Variants in NCKAP5 observed in about 807,000 individuals in gnomAD.
The protein encoded by NCKAP5 is nck-associated protein 5.
In NCKAP5, 92 loss-of-function variants were observed where a neutral mutation model predicts 167.0. The ratio of observed to expected loss-of-function variants is 0.55; its 90% CI spans 0.47 to 0.66. The LOEUF (loss-of-function observed/expected upper bound fraction) is 0.66. Among genes scored for constraint, NCKAP5 ranks in the 30% least tolerant of loss-of-function variants. The pLI, the probability that NCKAP5 is intolerant of heterozygous loss-of-function variation, is 0.00. For synonymous variants in NCKAP5, 891 were observed against 877.4 expected, an observed-to-expected ratio of 1.02 and a Z score of -0.27; for missense variants, 2,378 against 2,315.0, an observed-to-expected ratio of 1.03 and a Z score of -0.56.
chr2:133,068,268 C>T (rs1023667937), intron 6 of NCKAP5, among the ~76,000 whole-genome samples: 16 of 152,236 alleles, frequency 1.1e-4, no homozygotes, highest in African/African-American at 3.6e-4. Flanking sequence ...GATCCCAAGG[C>T]TCTAATACCA....
chr2:133,057,344 G>A (rs544691985), intron 6 of NCKAP5, among the ~76,000 whole-genome samples: 1 of 152,294 alleles, frequency 6.6e-6, no homozygotes, highest in African/African-American at 2.4e-5. Flanking sequence ...TCTTAGTGAG[G>A]AAGGCCTGTT....
chr2:132,825,978 G>C (rs1687096150), intron 11 of NCKAP5, among the ~76,000 whole-genome samples: 1 of 152,236 alleles, frequency 6.6e-6, no homozygotes, highest in Non-Finnish European at 1.5e-5. Context: ...AAAGGGCAAA[G>C]GCTAGTTTGG....
chr2:132,758,019 C>T (rs1487299947), intron 16 of NCKAP5, among the ~76,000 whole-genome samples: 1 of 152,216 alleles, frequency 6.6e-6, no homozygotes, highest in Non-Finnish European at 1.5e-5. Flanking sequence ...TTCCCCCTTT[C>T]CTCCACCAAA....
chr2:132,902,572 T>C (rs950992537), intron 8 of NCKAP5, among the ~76,000 whole-genome samples: 1 of 152,260 alleles, frequency 6.6e-6, no homozygotes, highest in Non-Finnish European at 1.5e-5. Context: ...ATTTCAAATG[T>C]ACTTAGCAAA....
chr2:132,886,044 T>C (rs1692191775), intron 8 of NCKAP5, among the ~76,000 whole-genome samples: 1 of 152,210 alleles, frequency 6.6e-6, no homozygotes, highest in African/African-American at 2.4e-5. Context: ...GGGCTGTACC[T>C]TTGGTTTTGC....
intron 16 of NCKAP5, among the ~76,000 whole-genome samples, chr2:132,772,326 T>C (rs1682146133): frequency 6.6e-6 from 1 of 152,184 alleles, no homozygotes; most frequent in South Asian, 2.1e-4. Context: ...ATTGAGGAAG[T>C]AAATTTTTAA....
rs1221704682 is a variant in NCKAP5, at chr2:133,404,951, C to G, written c.70-101841G>C. 7.2e-5 allele frequency among the ~76,000 whole-genome samples: 11 copies of G among 152,324 alleles called. No homozygotes were observed. The East Asian group carries it at 2.1e-3, about 29-fold the overall frequency. On this transcript the variant is annotated intron_variant, in intron 3 of 19. Transcript: ENST00000409261. ...TGTGATGAGATTAGTGTTTCACTCCCTTGCCTCTCTTCCAATCTCAGGCTT... is the reference window on the plus strand; with the variant it reads ...TGTGATGAGATTAGTGTTTCACTCCGTTGCCTCTCTTCCAATCTCAGGCTT...
intron 3 of NCKAP5, among the ~76,000 whole-genome samples, chr2:133,468,172 A>G (rs1459701945): frequency 2.2e-5 from 3 of 137,884 alleles, no homozygotes; most frequent in Non-Finnish European, 3.1e-5. Flanking sequence ...CCCTCTACAT[A>G]CTGCTTTGAA....
chr2:132,828,026 C>G (rs1447276625), intron 11 of NCKAP5, among the ~76,000 whole-genome samples: 2 of 152,012 alleles, frequency 1.3e-5, no homozygotes, highest in African/African-American at 4.8e-5. Context: ...GATGTGTGAT[C>G]TTGTTTATTC....
At chr2:133,566,615 T>G (rs1688572813) in intron 1 of NCKAP5, among the ~76,000 whole-genome samples, 1 of 152,180 alleles carries the variant, frequency 6.6e-6, no homozygotes, top group Non-Finnish European at 1.5e-5. Flanking sequence ...GTGGGTCCCA[T>G]TTCTTTTTCA....
chr2:132,896,350 T>C (rs1693203940), intron 8 of NCKAP5, among the ~76,000 whole-genome samples: 1 of 152,212 alleles, frequency 6.6e-6, no homozygotes. Context: ...ACGTTTGCTT[T>C]GAAAATCGTG....
intron 3 of NCKAP5, among the ~76,000 whole-genome samples, chr2:133,395,379 C>T (rs1224185761): frequency 6.6e-6 from 1 of 152,144 alleles, no homozygotes; most frequent in Non-Finnish European, 1.5e-5. Context: ...ACAAAGTATC[C>T]AAGGCTTATT....
intron 19 of NCKAP5, among the ~76,000 whole-genome samples, chr2:132,720,431 G>A (rs1689794270): frequency 6.6e-6 from 1 of 152,216 alleles, no homozygotes; most frequent in Non-Finnish European, 1.5e-5. Flanking sequence ...TGAACCCAGA[G>A]GCAGGGTTTT....
At chr2:132,696,762 A>ACAT (rs1218983695) in intron 19 of NCKAP5, among the ~76,000 whole-genome samples, 1 of 152,232 alleles carries the variant, frequency 6.6e-6, no homozygotes, top group Non-Finnish European at 1.5e-5. Flanking sequence ...CTCACAGTTT[A>ACAT]CATCTTTTTA....
intron 4 of NCKAP5, among the ~76,000 whole-genome samples, chr2:133,278,983 TTGG>T (rs2089841730): frequency 1.3e-5 from 2 of 152,196 alleles, no homozygotes; most frequent in African/African-American, 4.8e-5. Flanking sequence ...ATTCATCAGA[TTGG>T]GAGACATTTA....
At chr2:132,788,855 A>C (rs1479185411) in intron 13 of NCKAP5, among the ~76,000 whole-genome samples, 1 of 152,226 alleles carries the variant, frequency 6.6e-6, no homozygotes, top group African/African-American at 2.4e-5. Flanking sequence ...TACCCAGCAC[A>C]AAGTAAGAAA....
At chr2:133,511,225 A>T (rs1445527894) in intron 3 of NCKAP5, among the ~76,000 whole-genome samples, 4 of 152,018 alleles carry the variant, frequency 2.6e-5, no homozygotes, top group African/African-American at 9.7e-5. Context: ...GCCCTCCAAG[A>T]CTTTTCGTGT....
intron 8 of NCKAP5, among the ~76,000 whole-genome samples, chr2:132,903,247 C>T (rs7592557): frequency 0.032 from 4,939 of 152,208 alleles, 261 homozygotes; most frequent in African/African-American, 0.11. Flanking sequence ...TTCCTCAGTC[C>T]CACCAGACAC....
At chr2:133,356,996 A>AAT (rs1157252317) in intron 3 of NCKAP5, among the ~76,000 whole-genome samples, 1 of 152,184 alleles carries the variant, frequency 6.6e-6, no homozygotes, top group African/African-American at 2.4e-5. Context: ...GACTTGGATA[A>AAT]ATGGCATTAT....
Sources: allele counts gnomAD v4.1 joint callset (sites outside exome capture counted in the v4.1 genomes callset), GRCh38; gene constraint gnomAD v4.1.1; transcripts MANE v1.5; gene names NCBI Gene and HGNC (gene_info 2026-07-23, HGNC 2026-07-21).